Variants in DHX36 observed in about 807,000 individuals in gnomAD.
DHX36 encodes the protein DEAH-box helicase 36.
DHX36 carries 50 observed loss-of-function variants against 139.0 expected under a neutral mutation model. The observed-to-expected ratio is 0.36, with a 90% confidence interval of 0.29 to 0.46. The LOEUF (loss-of-function observed/expected upper bound fraction) is 0.46, where lower values mean the gene tolerates loss of function less well. Ranked by LOEUF, DHX36 falls within the 20% of genes least tolerant of loss-of-function variation. The pLI is 1.00. For synonymous variants in DHX36, 425 were observed against 401.9 expected (o/e 1.06, Z -0.69); for missense variants, 1,024 against 1,211.3 (o/e 0.85, Z 2.29).
intron 1 of DHX36, among the ~76,000 whole-genome samples, chr3:154,316,972 T>G (rs1362687403): frequency 1.3e-5 from 2 of 150,692 alleles, no homozygotes; most frequent in Non-Finnish European, 3.0e-5. Flanking sequence ...ACACGCGGAG[T>G]GGTGAAAATT....
rs1375409413 is a variant in DHX36 at position 154,273,333 on chromosome 3, C to CT, written c.*2837dup. 1.3e-5 allele frequency: 2 copies of CT among 152,170 alleles called. No homozygotes were observed. The highest frequency in any genetic ancestry group is 4.8e-5 in the African/African-American group (2 of 41,434). The allele number at this position is 152,170 out of a possible 1,614,324, so 9.4% of individuals were successfully genotyped here. A position where few individuals can be genotyped will look rare whatever the true frequency, so the allele number is the denominator to read the frequency against. On this transcript the variant is annotated 3_prime_UTR_variant, in exon 25 of 25. Coordinates refer to ENST00000496811, the MANE Select transcript of DHX36 (RefSeq NM_020865.3). ...GAGGTAACAATAACTGCTTTAATCT[C>CT]TGTGAATGCCTCATCAATTAAATAA... is the stretch of plus-strand genomic sequence containing the variant.
chr3:154,300,883 A>G (rs1712242590), intron 10 of DHX36, 104 bp downstream of exon 10: 22 of 1,488,174 alleles, frequency 1.5e-5, no homozygotes, highest in South Asian at 8.5e-5. Context: ...GAGACTCACA[A>G]TGCTCTCCTT....
Position 154,276,220 on chromosome 3 carries a change from G to T in DHX36, c.2978C>A (p.Ala993Glu). The T allele has an allele frequency of 1.9e-6, 3 of 1,613,050 alleles. No individual in the cohort carries two copies. Among genetic ancestry groups the T allele is most frequent in the Non-Finnish European group, 2.5e-6 (3 of 1,179,602 alleles). Residue 993 changes from alanine to glutamate, a missense_variant, in exon 25 of 25, where the codon GCA becomes GAA. Physicochemically the swap from Ala to Glu is moderately radical, Grantham distance 107. Transcript: ENST00000496811. ...TCGTGGCGGAAAGTTCCTGGGAGTT[G>T]CCTTTTCCTGTGTTTTGATCAAGTC... ...IIDLIKTQEK[A>E]TPRNFPPRFQ...
At chr3:154,314,897 T>G in intron 3 of DHX36, 149 bp downstream of exon 3, 2 of 593,244 alleles carry the variant, frequency 3.4e-6, no homozygotes, top group Non-Finnish European at 5.8e-6. Context: ...ACTGCTTTTC[T>G]CTACCATTCG....
intron 17 of DHX36, among the ~76,000 whole-genome samples, chr3:154,286,174 A>AAG (rs1412975696): frequency 4.9e-5 from 6 of 121,972 alleles, no homozygotes; most frequent in African/African-American, 1.7e-4. Flanking sequence ...ACCAAAAAAA[A>AAG]AAAAAAAAAA....
At chr3:154,286,231 C>T (rs182210151) in intron 17 of DHX36, among the ~76,000 whole-genome samples, 22 of 144,562 alleles carry the variant, frequency 1.5e-4, no homozygotes, top group African/African-American at 5.4e-4. Flanking sequence ...TTGCTGATAG[C>T]TTCTCCTTTA....
In DHX36 at chr3:154,296,362, T is replaced by C. The variant is rs189119756; in HGVS notation, c.1550-1023A>G. Among the ~76,000 whole-genome samples, 329 of 152,148 alleles carry C rather than the reference T, an allele frequency of 2.2e-3. 4 individuals are homozygous for C. The East Asian group carries it at 0.061, about 28-fold the overall frequency. On this transcript the variant is annotated intron_variant, in intron 12 of 24. Coordinates refer to ENST00000496811, the MANE Select transcript of DHX36 (RefSeq NM_020865.3). ...GTTGGCGGGCGCCTGTAGTCCCAGCTACCTGGGAGGCTGAGGCAGGAGAAT... is the reference window on the plus strand; with the variant it reads ...GTTGGCGGGCGCCTGTAGTCCCAGCCACCTGGGAGGCTGAGGCAGGAGAAT...
chr3:154,319,071 G>C (rs779447613), intron 1 of DHX36: 28 of 152,170 alleles, frequency 1.8e-4, no homozygotes, highest in Non-Finnish European at 3.4e-4. Context: ...GCAGGTAGCA[G>C]AGAACATACC....
intron 18 of DHX36, 63 bp from the exon 19 acceptor site, chr3:154,284,732 T>C: frequency 6.3e-7 from 1 of 1,592,996 alleles, no homozygotes; most frequent in Non-Finnish European, 8.6e-7. Flanking sequence ...AATGACATTC[T>C]AATAAAACGC....
chr3:154,311,554 A>AT (rs542995919), intron 4 of DHX36, 82 bp downstream of exon 4: 19 of 1,154,970 alleles, frequency 1.6e-5, no homozygotes, highest in Non-Finnish European at 2.2e-5. Flanking sequence ...ATTAATTTAC[A>AT]TTTTTTCTTG....
intron 5 of DHX36, among the ~76,000 whole-genome samples, chr3:154,307,371 C>T (rs951928738): frequency 1.3e-5 from 2 of 152,048 alleles, no homozygotes; most frequent in African/African-American, 2.4e-5. Context: ...ACTATTCATC[C>T]AGCAGTGGAC....
In DHX36 at chr3:154,320,909, ATTTAAAATCC is replaced by A. The variant is rs1420187874; in HGVS notation, c.243+3255_243+3264del. The stretch of plus-strand genomic sequence containing the variant: ...TACTGCTACCAGAGTGAATTTAAAC[ATTTAAAATCC>A]AGTCATTTCATTCTTTGTTTAAAAT... On this transcript the variant is annotated intron_variant, in intron 1 of 24. Transcript: ENST00000496811. Among the ~76,000 whole-genome samples the A allele has an allele frequency of 2.0e-5, 3 of 152,234 alleles. No homozygotes were observed. In the East Asian group the frequency reaches 5.8e-4, roughly 29 times the overall value.
Position 154,284,648 on chromosome 3 carries a change from C to T in DHX36, c.2227G>A (p.Ala743Thr). 6.2e-7 allele frequency: 1 copy of T among 1,612,348 alleles called. No individual in the cohort carries two copies. The highest frequency in any genetic ancestry group is 8.5e-7 in the Non-Finnish European group (1 of 1,179,040). Reference protein sequence around the residue: ...IPLGKEKIADARRKELAKDTR... With the variant: ...IPLGKEKIADTRRKELAKDTR... ...TCCTTTGCCAATTCCTTTCTTCTTG[C>T]ATCTGCAATCTTTTCTTTTCCCTTA... Residue 743 changes from alanine (A) to threonine (T), a missense_variant, in exon 19 of 25, where the codon GCA becomes ACA. Ala to Thr is a moderately conservative substitution (Grantham distance 58, BLOSUM62 0). Coordinates refer to ENST00000496811, the MANE Select transcript of DHX36 (RefSeq NM_020865.3).
At chr3:154,295,861 G>A (rs1219589465) in intron 12 of DHX36, among the ~76,000 whole-genome samples, 1 of 152,066 alleles carries the variant, frequency 6.6e-6, no homozygotes, top group Non-Finnish European at 1.5e-5. Context: ...TCTGCCCCCT[G>A]GGCTCAAGTG....
Position 154,299,925 on chromosome 3 carries a change from C to T in DHX36, c.1462G>A (p.Asp488Asn). The change falls in exon 12 of 25, where the codon GAT (aspartate) becomes AAT (asparagine). Residue 488 changes from aspartate (D) to asparagine (N), a missense_variant and splice_region_variant. Asp to Asn is a conservative substitution (Grantham distance 23). Around this residue, in one of 4 missense-constraint regions of DHX36, gnomAD observed 115 missense variants for 105.6 expected, o/e 1.09. Coordinates refer to ENST00000496811, the MANE Select transcript of DHX36 (RefSeq NM_020865.3). ...LIRYIVLEEE[D>N]GAILVFLPGW... ...GGCAGAAAGACCAGTATCGCACCAT[C>T]CTATATGAAGGGGAAATAACCATTA... is the stretch of plus-strand genomic sequence containing the variant. The T allele has an allele frequency of 6.2e-7, 1 of 1,608,416 alleles. No homozygotes were observed. Among genetic ancestry groups the T allele is most frequent in the East Asian group, 2.2e-5 (1 of 44,806 alleles).
rs978862971 is a variant in DHX36 at position 154,292,577 on chromosome 3, G to C, written c.1788C>G (p.Ala596=). 6 of 1,613,738 alleles carry C rather than the reference G, an allele frequency of 3.7e-6. No individual in the cohort carries two copies. In the African/African-American group the frequency reaches 6.7e-5, roughly 18 times the overall value. ...MSAEWVSKAN[A]KQRKGRAGRV... The stretch of plus-strand genomic sequence containing the variant: ...TTCCAGCTCGACCTTTTCTCTGTTT[G>C]GCATTAGCTTTACTAACCCACTCAG... Residue 596 remains alanine (A), a synonymous_variant, in exon 15 of 25, where the codon GCC becomes GCG. Transcript: ENST00000496811.
chr3:154,289,429 G>A (rs1044597887), intron 16 of DHX36, among the ~76,000 whole-genome samples: 1 of 152,184 alleles, frequency 6.6e-6, no homozygotes, highest in Admixed American at 6.5e-5. Context: ...ATTTTAGGAG[G>A]TTAATTTAAA....
chr3:154,276,902 G>A lies in DHX36; in HGVS notation c.2689-3C>T, dbSNP rs967419464. ...TCTGTGCAGTCATACAAGTATATCT[G>A]TAATGAAAATTAAAGTGAATTAATA... On this transcript the variant is annotated splice_polypyrimidine_tract_variant and splice_region_variant and intron_variant, in intron 23 of 24. Transcript: ENST00000496811. 2 of 1,602,214 alleles carry A rather than the reference G, an allele frequency of 1.2e-6. No homozygotes were observed. The highest frequency in any genetic ancestry group is 1.3e-5 in the African/African-American group (1 of 74,082).
chr3:154,309,323 A>G (rs1398469722), intron 5 of DHX36, among the ~76,000 whole-genome samples: 1 of 152,202 alleles, frequency 6.6e-6, no homozygotes, highest in Non-Finnish European at 1.5e-5. Flanking sequence ...TAAATAAACC[A>G]AGTAGTAAAA....
Sources: allele counts gnomAD v4.1 joint callset (sites outside exome capture counted in the v4.1 genomes callset), GRCh38; gene constraint gnomAD v4.1.1; regional missense constraint gnomAD v4.1.1; transcripts MANE v1.5; gene names NCBI Gene and HGNC (gene_info 2026-07-23, HGNC 2026-07-21).